Variants in VPS13A observed in about 807,000 individuals in gnomAD.
The protein encoded by VPS13A is intermembrane lipid transfer protein VPS13A.
VPS13A carries 264 observed loss-of-function variants against 390.9 expected under a neutral mutation model. The ratio of observed to expected loss-of-function variants is 0.68; its 90% CI spans 0.61 to 0.75. VPS13A has a LOEUF of 0.75. Among genes scored for constraint, VPS13A ranks in the 30% least tolerant of loss-of-function variants. VPS13A has a pLI of 0.00. For missense variants in VPS13A, 3,409 were observed against 3,733.9 expected (o/e 0.91, Z 2.27); for synonymous variants, 1,231 against 1,227.1 (o/e 1.00, Z -0.07).
At chr9:77,222,099 A>C (rs118141680) in intron 13 of VPS13A, among the ~76,000 whole-genome samples, 90 of 152,296 alleles carry the variant, frequency 5.9e-4, no homozygotes, top group Non-Finnish European at 9.4e-4. Flanking sequence ...CTTGAAGTTA[A>C]TGTAAACATT....
intron 54 of VPS13A, 142 bp downstream of exon 54, chr9:77,353,783 G>A (rs1170699515): frequency 4.9e-6 from 4 of 821,898 alleles, no homozygotes; most frequent in South Asian, 3.7e-5. Flanking sequence ...AGTTTTAAAT[G>A]TGCTTGAGGG....
At chr9:77,398,762 C>T (rs1015589401) in intron 68 of VPS13A, among the ~76,000 whole-genome samples, 6 of 152,034 alleles carry the variant, frequency 3.9e-5, no homozygotes, top group Admixed American at 3.3e-4. Flanking sequence ...TTTTGCTGTG[C>T]GATGAGTTAT....
chr9:77,391,049 T>A (rs1587709703), intron 68 of VPS13A, among the ~76,000 whole-genome samples: 1 of 152,216 alleles, frequency 6.6e-6, no homozygotes, highest in East Asian at 1.9e-4. Flanking sequence ...TACATCTTTT[T>A]AATCAAAGAT....
At position 77,302,367 on chromosome 9, in the gene VPS13A, C is replaced by CTTTTTTTTTTTTTTTTTTTTTTT. The variant is rs750574896; in HGVS notation, c.3813-548_3813-547insTTTTTTTTTTTTTTTTTTTTTTT. Among the ~76,000 whole-genome samples, 3 of 136,044 alleles carry CTTTTTTTTTTTTTTTTTTTTTTT rather than the reference C, an allele frequency of 2.2e-5. 1 individual carries two copies. The highest frequency in any genetic ancestry group is 1.6e-5 in the Non-Finnish European group (1 of 64,448). The allele number at this position is 136,044 out of a possible 152,430, so 89.3% of individuals were successfully genotyped here. A position where few individuals can be genotyped will look rare whatever the true frequency, so the allele number is the denominator to read the frequency against. On this transcript the variant is annotated intron_variant, in intron 33 of 71. Transcript: ENST00000360280. ...TGTATCGAAAAATACATATTTTTCCCCTTTTTTTTTTTTTTTTTTTTTGGA... is the reference window on the plus strand; with the variant it reads ...TGTATCGAAAAATACATATTTTTCCCTTTTTTTTTTTTTTTTTTTTTTTCTTTTTTTTTTTTTTTTTTTTTGGA...
chr9:77,268,768 C>T (rs78807641), intron 23 of VPS13A, among the ~76,000 whole-genome samples: 5 of 151,900 alleles, frequency 3.3e-5, no homozygotes, highest in South Asian at 2.1e-4. Flanking sequence ...GGTGGAACCC[C>T]GTCTGTACTA....
intron 62 of VPS13A, 85 bp from the exon 63 acceptor site, chr9:77,369,214 A>G (rs1832608860): frequency 3.9e-6 from 4 of 1,038,674 alleles, no homozygotes; most frequent in Non-Finnish European, 6.0e-6. Flanking sequence ...TTGGCCTGAG[A>G]AAACTGGGCG....
chr9:77,192,959 C>G (rs141097453), intron 1 of VPS13A, among the ~76,000 whole-genome samples: 213 of 152,266 alleles, frequency 1.4e-3, no homozygotes, highest in Admixed American at 2.4e-3. Flanking sequence ...TTTTCTCTCC[C>G]TCTCTTTCAG....
chr9:77,295,424 C>A, intron 32 of VPS13A, 118 bp from the exon 33 acceptor site: 2 of 827,984 alleles, frequency 2.4e-6, no homozygotes, highest in South Asian at 2.9e-5. Context: ...ATAAATAATG[C>A]TTGGTTGTAT....
In VPS13A at chr9:77,405,923, G is replaced by A; in HGVS notation, c.9335G>A (p.Ser3112Asn). 4.3e-6 allele frequency: 7 copies of A among 1,613,920 alleles called. No homozygotes were observed. Among genetic ancestry groups the A allele is most frequent in the Non-Finnish European group, 5.1e-6 (6 of 1,179,988 alleles). The change falls in exon 70 of 72, where the codon AGT (serine) becomes AAT (asparagine). Residue 3112 changes from serine (S) to asparagine (N), a missense_variant. Around this residue, in one of 5 missense-constraint regions of VPS13A, gnomAD observed 318 missense variants for 333.7 expected, o/e 0.95. Coordinates refer to ENST00000360280, the MANE Select transcript of VPS13A (RefSeq NM_033305.3). ...FGQLTCEWQY[S>N]FDEFTKEPFI... ...CAACTCACGTGTGAGTGGCAGTATA[G>A]TTTTGATGAATTTACCAAAGAGCCA...
At chr9:77,259,948 A>T in intron 22 of VPS13A, 138 bp from the exon 23 acceptor site, 1 of 657,128 alleles carries the variant, frequency 1.5e-6, no homozygotes. Context: ...TTAATACGGT[A>T]AGACGGAAAT....
At chr9:77,313,915 A>G (rs1829234473) in intron 35 of VPS13A, 77 bp from the exon 36 acceptor site, 2 of 1,430,712 alleles carry the variant, frequency 1.4e-6, no homozygotes, top group Non-Finnish European at 9.6e-7. Context: ...TAATTCTATT[A>G]AATCTATTTC....
At chr9:77,370,082 C>A (rs1412823983) in intron 63 of VPS13A, among the ~76,000 whole-genome samples, 175 bp from the exon 64 acceptor site, 1 of 152,174 alleles carries the variant, frequency 6.6e-6, no homozygotes, top group Admixed American at 6.5e-5. Flanking sequence ...ACACTTTCAG[C>A]GTCCAGAAAT....
intron 52 of VPS13A, among the ~76,000 whole-genome samples, chr9:77,350,463 T>C (rs1831390970): frequency 6.6e-6 from 1 of 152,150 alleles, no homozygotes; most frequent in South Asian, 2.1e-4. Flanking sequence ...TCTGAGTTAT[T>C]TTTTTAGTAA....
rs774130512 is a variant in VPS13A, at chr9:77,337,465, A to G, written c.6306A>G (p.Pro2102=). The G allele has an allele frequency of 3.7e-6, 6 of 1,613,690 alleles. No homozygotes were observed. The highest frequency in any genetic ancestry group is 1.1e-5 in the South Asian group (1 of 91,032). The change falls in exon 47 of 72, where the codon CCA becomes CCG. Residue 2102 remains proline, a synonymous_variant. Coordinates refer to ENST00000360280, the MANE Select transcript of VPS13A (RefSeq NM_033305.3). ...SVYSEDGWDL[P]YIMHLWPPIL... is the part of the protein sequence containing the mutation. Reference sequence around the variant, plus strand: ...ATTCAGAAGATGGTTGGGATTTACCATACATAATGCATTTGTGGCCACCTA... The same window carrying G: ...ATTCAGAAGATGGTTGGGATTTACCGTACATAATGCATTTGTGGCCACCTA...
Position 77,217,879 on chromosome 9 carries a change from G to T in VPS13A, c.755-2075G>T, listed in dbSNP as rs1822950314. Among the ~76,000 whole-genome samples the T allele has an allele frequency of 1.4e-5, 2 of 146,582 alleles. 1 individual carries two copies. The highest frequency in any genetic ancestry group is 4.5e-4 in the South Asian group (2 of 4,492). ...ATAGTAGTTCTGTTTTTAGTTCTTTGTGAAGTATCCATACTGTTTTCCACA... is the reference window on the plus strand; with the variant it reads ...ATAGTAGTTCTGTTTTTAGTTCTTTTTGAAGTATCCATACTGTTTTCCACA... On this transcript the variant is annotated intron_variant, in intron 10 of 71. Coordinates refer to ENST00000360280, the MANE Select transcript of VPS13A (RefSeq NM_033305.3).
rs1010517341 is a variant in VPS13A, at chr9:77,402,938, T to A, written c.9190-298T>A. Among the ~76,000 whole-genome samples the A allele has an allele frequency of 1.5e-4, 23 of 152,330 alleles. No homozygotes were observed. The Middle Eastern group carries it at 0.01, about 68-fold the overall frequency. On this transcript the variant is annotated intron_variant, in intron 68 of 71. Transcript: ENST00000360280. Reference sequence around the variant, plus strand: ...TACTAATGTGTTTTCCAATATAAAGTCACTGTAATAGTTAAATACCTCATT... The same window carrying A: ...TACTAATGTGTTTTCCAATATAAAGACACTGTAATAGTTAAATACCTCATT...
intron 21 of VPS13A, among the ~76,000 whole-genome samples, chr9:77,250,435 T>A (rs558533069): frequency 1.3e-5 from 2 of 152,170 alleles, no homozygotes; most frequent in South Asian, 4.2e-4. Context: ...ACATCTTTGG[T>A]TGTCACAGGT....
intron 10 of VPS13A, among the ~76,000 whole-genome samples, chr9:77,219,367 T>C (rs1361767360): frequency 6.6e-6 from 1 of 152,202 alleles, no homozygotes; most frequent in African/African-American, 2.4e-5. Flanking sequence ...GTCTAGATTC[T>C]GCTATTACTG....
rs753683797 is a variant in VPS13A, at chr9:77,200,002, A to G, written c.144+14A>G. The G allele has an allele frequency of 1.2e-6, 2 of 1,601,750 alleles. No individual in the cohort carries two copies. Among genetic ancestry groups the G allele is most frequent in the African/African-American group, 1.3e-5 (1 of 74,790 alleles). ...GAAAATGCCCTGGTAGGTTTTGACT[A>G]TGAAAAATTTGTAAAGTTATTGCAT... On this transcript the variant is annotated intron_variant, in intron 2 of 71. Coordinates refer to ENST00000360280, the MANE Select transcript of VPS13A (RefSeq NM_033305.3).
Sources: gnomAD v4.1 joint callset for allele counts (sites outside exome capture counted in the v4.1 genomes callset) on GRCh38, gnomAD v4.1.1 for gene constraint, gnomAD v4.1.1 regional missense constraint, MANE v1.5 for transcripts, NCBI Gene and HGNC (gene_info 2026-07-23, HGNC 2026-07-21) for gene names.